Variants in RALYL observed in about 807,000 individuals in gnomAD.
RALYL encodes the protein RNA-binding Raly-like protein.
Under a neutral mutation model 35.1 loss-of-function variants are expected in RALYL, and 29 were observed. The observed-to-expected ratio is 0.83, with a 90% confidence interval of 0.61 to 1.13. The LOEUF (loss-of-function observed/expected upper bound fraction) is 1.13, where lower values mean the gene tolerates loss of function less well. RALYL is among the 50% of genes most tolerant of loss of function. The probability of loss-of-function intolerance (pLI) is 0.00; values close to 1 mark genes in which losing one functional copy is unlikely to be tolerated. For synonymous variants in RALYL, 120 were observed against 127.6 expected (o/e 0.94, Z 0.40); for missense variants, 359 against 360.4 (o/e 1.00, Z 0.03).
intron 1 of RALYL, among the ~76,000 whole-genome samples, chr8:84,271,058 T>C (rs1241339891): frequency 1.3e-5 from 2 of 151,250 alleles, no homozygotes; most frequent in African/African-American, 4.9e-5. Flanking sequence ...CAAATAGAAC[T>C]TTATCAAATT....
intron 1 of RALYL, among the ~76,000 whole-genome samples, chr8:84,311,290 G>A (rs1305160468): frequency 6.6e-6 from 1 of 151,656 alleles, no homozygotes; most frequent in Non-Finnish European, 1.5e-5. Flanking sequence ...GTCAGTTAAA[G>A]AAGACATTGA....
chr8:84,551,897 C>T (rs1211040238), intron 2 of RALYL, among the ~76,000 whole-genome samples: 1 of 152,088 alleles, frequency 6.6e-6, no homozygotes, highest in East Asian at 1.9e-4. Flanking sequence ...TTATCCTAGA[C>T]TTTGCTCTGA....
intron 1 of RALYL, among the ~76,000 whole-genome samples, chr8:84,304,334 G>T (rs542337475): frequency 6.6e-6 from 1 of 152,062 alleles, no homozygotes; most frequent in African/African-American, 2.4e-5. Context: ...AGTCAGGGTG[G>T]TCTCGATCTC....
intron 2 of RALYL, among the ~76,000 whole-genome samples, chr8:84,693,485 C>G (rs1164267204): frequency 4.6e-5 from 7 of 151,872 alleles, no homozygotes; most frequent in Admixed American, 4.6e-4. Context: ...CCACTGGGTC[C>G]CTCCCACAAC....
At position 84,256,355 on chromosome 8, in the gene RALYL, T is replaced by G. The variant is rs1831208048; in HGVS notation, c.-24+71931T>G. The stretch of plus-strand genomic sequence containing the variant: ...TTTAATTTTCTAGCAGAAACCTGTA[T>G]TTTGCTACCTATTTTCATTAATTCA... On this transcript the variant is annotated intron_variant, in intron 1 of 8. Transcript: ENST00000521268. 5.0e-5 allele frequency among the ~76,000 whole-genome samples: 4 copies of G among 79,378 alleles called. No individual in the cohort carries two copies. In the South Asian group the frequency reaches 8.5e-4, roughly 17 times the overall value. 52.1% of individuals were successfully genotyped at this position (79,378 alleles called of 152,430 possible).
At chr8:84,875,887 C>A (rs1046444899) in intron 7 of RALYL, among the ~76,000 whole-genome samples, 10 of 152,080 alleles carry the variant, frequency 6.6e-5, no homozygotes, top group Non-Finnish European at 1.2e-4. Flanking sequence ...TCATAAATTT[C>A]TCACTCCTAA....
At chr8:84,641,841 T>C (rs1338063335) in intron 2 of RALYL, among the ~76,000 whole-genome samples, 1 of 151,050 alleles carries the variant, frequency 6.6e-6, no homozygotes, top group Non-Finnish European at 1.5e-5. Context: ...TGTTTTTGGC[T>C]GGGTCTCACA....
intron 1 of RALYL, among the ~76,000 whole-genome samples, chr8:84,280,710 C>T (rs112951306): frequency 1.3e-5 from 2 of 150,790 alleles, no homozygotes; most frequent in African/African-American, 4.9e-5. Context: ...TAGTACCCAA[C>T]AAAGTACATA....
At chr8:84,235,456 G>T (rs1265845494) in intron 1 of RALYL, among the ~76,000 whole-genome samples, 1 of 152,102 alleles carries the variant, frequency 6.6e-6, no homozygotes, top group Admixed American at 6.6e-5. Flanking sequence ...AATATGATAA[G>T]AATTTGTATT....
chr8:84,858,058 TAGAGA>T (rs1464931579), intron 5 of RALYL, among the ~76,000 whole-genome samples: 1 of 152,108 alleles, frequency 6.6e-6, no homozygotes, highest in Non-Finnish European at 1.5e-5. Flanking sequence ...TTATTCTTCC[TAGAGA>T]AAAGTTGTCT....
chr8:84,688,430 A>G (rs941553354), intron 2 of RALYL, among the ~76,000 whole-genome samples: 4 of 152,134 alleles, frequency 2.6e-5, no homozygotes, highest in African/African-American at 9.6e-5. Context: ...ACAACCACAC[A>G]TATGTGATCA....
chr8:84,731,458 CTGG>C (rs1403399637), intron 2 of RALYL, among the ~76,000 whole-genome samples: 10 of 152,144 alleles, frequency 6.6e-5, no homozygotes, highest in Non-Finnish European at 1.3e-4. Context: ...AGCAGTAAAT[CTGG>C]TAATTATCTT....
At chr8:84,212,915 A>ATTACTTATTATATATATATATATATAT (rs1338007981) in intron 1 of RALYL, among the ~76,000 whole-genome samples, 2 of 152,216 alleles carry the variant, frequency 1.3e-5, no homozygotes, top group South Asian at 4.1e-4. Context: ...GTCATAAATA[A>ATTACTTATTATATATATATATATATAT]GTAATACAAT....
At chr8:84,190,247 C>T (rs1022583991) in intron 1 of RALYL, among the ~76,000 whole-genome samples, 8 of 152,134 alleles carry the variant, frequency 5.3e-5, no homozygotes, top group Non-Finnish European at 1.2e-4. Context: ...ATCATAACAC[C>T]TCACAATTTT....
intron 2 of RALYL, among the ~76,000 whole-genome samples, chr8:84,621,675 C>T (rs1303292187): frequency 6.6e-6 from 1 of 152,194 alleles, no homozygotes; most frequent in Non-Finnish European, 1.5e-5. Flanking sequence ...AATTTCTCTG[C>T]TTAAAAGGCT....
chr8:84,701,202 A>G (rs1840123924), intron 2 of RALYL, among the ~76,000 whole-genome samples: 1 of 152,148 alleles, frequency 6.6e-6, no homozygotes. Flanking sequence ...GAGAGTTGAG[A>G]TATCACTTCC....
At chr8:84,820,631 A>G (rs1376092372) in intron 4 of RALYL, among the ~76,000 whole-genome samples, 6 of 152,024 alleles carry the variant, frequency 3.9e-5, no homozygotes, top group Non-Finnish European at 5.9e-5. Context: ...AGTTTGCTTC[A>G]CCTATCAACC....
chr8:84,410,328 C>G (rs2043974550), intron 1 of RALYL, among the ~76,000 whole-genome samples: 1 of 151,878 alleles, frequency 6.6e-6, no homozygotes, highest in Non-Finnish European at 1.5e-5. Flanking sequence ...ACATTTCTAA[C>G]CAGCCTATTC....
chr8:84,544,551 G>A lies in RALYL; in HGVS notation c.256+14974G>A, dbSNP rs114597778. Reference sequence around the variant, plus strand: ...ATAGTTTATTAAACCAGACTACTGAGGTGATGACTGACCTTCAAATGTTTC... The same window carrying A: ...ATAGTTTATTAAACCAGACTACTGAAGTGATGACTGACCTTCAAATGTTTC... On this transcript the variant is annotated intron_variant, in intron 2 of 8. Coordinates refer to ENST00000521268, the MANE Select transcript of RALYL (RefSeq NM_173848.7). Among the ~76,000 whole-genome samples the A allele has an allele frequency of 2.9e-3, 444 of 151,950 alleles. 5 individuals are homozygous for A. The highest frequency in any genetic ancestry group is 9.7e-3 in the African/African-American group (402 of 41,494).
Sources: gnomAD v4.1 joint callset for allele counts (sites outside exome capture counted in the v4.1 genomes callset) on GRCh38, gnomAD v4.1.1 for gene constraint, MANE v1.5 for transcripts, NCBI Gene and HGNC (gene_info 2026-07-23, HGNC 2026-07-21) for gene names.